Variants in KCNK12 observed in about 807,000 individuals in gnomAD.
The protein encoded by KCNK12 is potassium two pore domain channel subfamily K member 12.
KCNK12 carries 6 observed loss-of-function variants against 25.3 expected under a neutral mutation model. That is an observed-to-expected ratio of 0.24 (90% confidence interval 0.13 to 0.47). KCNK12 has a LOEUF of 0.47. KCNK12 is among the 20% of genes least tolerant of loss of function. The pLI is 0.99. For missense variants in KCNK12, 444 were observed against 661.7 expected (o/e 0.67, Z 3.61); for synonymous variants, 331 against 311.1 (o/e 1.06, Z -0.67).
intron 1 of KCNK12, among the ~76,000 whole-genome samples, chr2:47,534,431 G>GC (rs1431281693): frequency 1.6e-5 from 1 of 63,742 alleles, no homozygotes; most frequent in African/African-American, 1.5e-4. Flanking sequence ...CCCGTCTCCA[G>GC]GCCCCCCCCA....
In KCNK12 at chr2:47,510,568, C is replaced by G. The variant is rs746201435; in HGVS notation, c.*10339G>C. ...CCAGGATCTGCCCTGGGGGCTATCT[C>G]AACACCCCTACACTCTCACCGCACG... On this transcript the variant is annotated 3_prime_UTR_variant, in exon 2 of 2. Transcript: ENST00000327876. Among the ~76,000 whole-genome samples, 1 of 152,100 alleles carries G rather than the reference C, an allele frequency of 6.6e-6. No individual in the cohort carries two copies. The highest frequency in any genetic ancestry group is 1.5e-5 in the Non-Finnish European group (1 of 68,020).
rs1553378757 is a variant in KCNK12 at position 47,534,516 on chromosome 2, C to CCCA, written c.392-12709_392-12708insTGG. Reference sequence around the variant, plus strand: ...GGGATGAGATCACTGCCCCTTCTAACCCCCCCCCCCGCCCCCACACACAGA... The same window carrying CCCA: ...GGGATGAGATCACTGCCCCTTCTAACCCACCCCCCCCCCGCCCCCACACACAGA... On this transcript the variant is annotated intron_variant, in intron 1 of 1. Transcript: ENST00000327876. Among the ~76,000 whole-genome samples the CCCA allele has an allele frequency of 6.9e-3, 137 of 19,902 alleles. 1 individual carries two copies. Among genetic ancestry groups the CCCA allele is most frequent in the Non-Finnish European group, 8.8e-3 (105 of 11,980 alleles). 13.1% of individuals were successfully genotyped at this position (19,902 alleles called of 152,430 possible).
At position 47,519,422 on chromosome 2, in the gene KCNK12, ATACTGGTGGGTCACGCC is replaced by A. The variant is rs1242525848; in HGVS notation, c.*1468_*1484del. The A allele has an allele frequency of 3.3e-5, 5 of 152,202 alleles. No homozygotes were observed. Among genetic ancestry groups the A allele is most frequent in the Non-Finnish European group, 7.3e-5 (5 of 68,044 alleles). 9.4% of individuals were successfully genotyped at this position (152,202 alleles called of 1,614,324 possible). ...TAAGACTTCCTATCAGAAGCTGTGC[ATACTGGTGGGTCACGCC>A]GTGCCTGTATAAACTCTGGCACCTG... On this transcript the variant is annotated 3_prime_UTR_variant, in exon 2 of 2. Transcript: ENST00000327876.
chr2:47,548,812 C>G lies in KCNK12; in HGVS notation c.391+21129G>C, dbSNP rs1669365776. On this transcript the variant is annotated intron_variant, in intron 1 of 1. Coordinates refer to ENST00000327876, the MANE Select transcript of KCNK12 (RefSeq NM_022055.2). This position sits in a 1 kb window ranked among gnomAD's most constrained non-coding sequence, Gnocchi z 4.4. Reference sequence around the variant, plus strand: ...TTTTTGCCTGGTGGCAGCTTTCAGACAGCCATGGGAGTGGAGAGATCCAGA... The same window carrying G: ...TTTTTGCCTGGTGGCAGCTTTCAGAGAGCCATGGGAGTGGAGAGATCCAGA... Among the ~76,000 whole-genome samples, 1 of 152,232 alleles carries G rather than the reference C, an allele frequency of 6.6e-6. No homozygotes were observed. The highest frequency in any genetic ancestry group is 1.5e-5 in the Non-Finnish European group (1 of 68,042).
At chr2:47,523,330 T>C (rs1045681144) in intron 1 of KCNK12, among the ~76,000 whole-genome samples, 1 of 152,144 alleles carries the variant, frequency 6.6e-6, no homozygotes, top group Non-Finnish European at 1.5e-5. Context: ...GGCTCTGCCA[T>C]TGGGTGCCGG....
chr2:47,564,282 G>T (rs1164695247), intron 1 of KCNK12: 4 of 230,100 alleles, frequency 1.7e-5, no homozygotes, highest in Non-Finnish European at 3.4e-5. Context: ...TCGCTCCAAA[G>T]GGGCTGGCCA....
In KCNK12 at chr2:47,560,219, T is replaced by G. The variant is rs1299322816; in HGVS notation, c.391+9722A>C. On this transcript the variant is annotated intron_variant, in intron 1 of 1. Coordinates refer to ENST00000327876, the MANE Select transcript of KCNK12 (RefSeq NM_022055.2). This position sits in a 1 kb window ranked among gnomAD's most constrained non-coding sequence, Gnocchi z 4.7. Reference sequence around the variant, plus strand: ...GTGCAAGGCTGAGGGTTCTCAGGTCTGGGCGGGAGCTCGGTCCTCTTCAAC... The same window carrying G: ...GTGCAAGGCTGAGGGTTCTCAGGTCGGGGCGGGAGCTCGGTCCTCTTCAAC... Among the ~76,000 whole-genome samples the G allele has an allele frequency of 6.6e-6, 1 of 152,222 alleles. No individual in the cohort carries two copies. The highest frequency in any genetic ancestry group is 1.5e-5 in the Non-Finnish European group (1 of 68,040).
Position 47,570,654 on chromosome 2 carries a change from C to A in KCNK12, c.-323G>T, listed in dbSNP as rs1669890965. The stretch of plus-strand genomic sequence containing the variant: ...TCGGGCGCGGGGCTCCGCAGCTAGG[C>A]CCCTGCCGCCCGGTGGCCGGCGTCC... On this transcript the variant is annotated 5_prime_UTR_variant, in exon 1 of 2. Transcript: ENST00000327876. The A allele has an allele frequency of 5.8e-6, 1 of 173,788 alleles. No individual in the cohort carries two copies. Among genetic ancestry groups the A allele is most frequent in the Non-Finnish European group, 1.2e-5 (1 of 82,508 alleles). 10.8% of individuals were successfully genotyped at this position (173,788 alleles called of 1,614,324 possible). A position where few individuals can be genotyped will look rare whatever the true frequency, so the allele number is the denominator to read the frequency against.
rs1482800254 is a variant in KCNK12, at chr2:47,509,449, C to T, written c.*11458G>A. On this transcript the variant is annotated 3_prime_UTR_variant, in exon 2 of 2. Transcript: ENST00000327876. ...CTGTCCCATAGCAGGAAACCACAGTCTCTGATGTCAGCTGGCTGCCAACAC... is the reference window on the plus strand; with the variant it reads ...CTGTCCCATAGCAGGAAACCACAGTTTCTGATGTCAGCTGGCTGCCAACAC... Among the ~76,000 whole-genome samples the T allele has an allele frequency of 2.0e-5, 3 of 152,248 alleles. No homozygotes were observed. The highest frequency in any genetic ancestry group is 2.9e-5 in the Non-Finnish European group (2 of 68,044).
At chr2:47,563,789 C>T (rs1244211100) in intron 1 of KCNK12, 1 of 232,832 alleles carries the variant, frequency 4.3e-6, no homozygotes, top group Non-Finnish European at 8.5e-6. Flanking sequence ...TGTGGTGCTT[C>T]CAGCTAGAAT....
rs1391303379 is a variant in KCNK12 at position 47,515,660 on chromosome 2, A to T, written c.*5247T>A. On this transcript the variant is annotated 3_prime_UTR_variant, in exon 2 of 2. Transcript: ENST00000327876. The stretch of plus-strand genomic sequence containing the variant: ...GGGAGTGGGGAGTGATCGTATAGAC[A>T]GAGGTGGGTGGGGCCAGTGTGAGCC... Among the ~76,000 whole-genome samples the T allele has an allele frequency of 6.6e-6, 1 of 152,174 alleles. No homozygotes were observed. Among genetic ancestry groups the T allele is most frequent in the African/African-American group, 2.4e-5 (1 of 41,430 alleles).
rs1573625579 is a variant in KCNK12 at position 47,525,410 on chromosome 2, C to A, written c.392-3602G>T. On this transcript the variant is annotated intron_variant, in intron 1 of 1. Coordinates refer to ENST00000327876, the MANE Select transcript of KCNK12 (RefSeq NM_022055.2). This position sits in a 1 kb window ranked among gnomAD's most constrained non-coding sequence, Gnocchi z 4.1. ...CTTCCTAGCTGGCTGGGCACAGCCGCTCACAGGCCTACCCAGAGTGGAGCA... is the reference window on the plus strand; with the variant it reads ...CTTCCTAGCTGGCTGGGCACAGCCGATCACAGGCCTACCCAGAGTGGAGCA... Among the ~76,000 whole-genome samples the A allele has an allele frequency of 6.6e-6, 1 of 152,314 alleles. No homozygotes were observed. Among genetic ancestry groups the A allele is most frequent in the East Asian group, 1.9e-4 (1 of 5,184 alleles).
At position 47,566,809 on chromosome 2, in the gene KCNK12, C is replaced by A. The variant is rs1669795480; in HGVS notation, c.391+3132G>T. ...ATATGCATGAAATTGGTGGATATTGCACAACTTGGTTTCTGGACCTAGCTG... is the reference window on the plus strand; with the variant it reads ...ATATGCATGAAATTGGTGGATATTGAACAACTTGGTTTCTGGACCTAGCTG... On this transcript the variant is annotated intron_variant, in intron 1 of 1. Coordinates refer to ENST00000327876, the MANE Select transcript of KCNK12 (RefSeq NM_022055.2). This position sits in a 1 kb window ranked among gnomAD's most constrained non-coding sequence, Gnocchi z 4.1. 2 of 152,190 alleles carry A rather than the reference C, an allele frequency of 1.3e-5. No individual in the cohort carries two copies. Among genetic ancestry groups the A allele is most frequent in the Non-Finnish European group, 2.9e-5 (2 of 68,046 alleles). 9.4% of individuals were successfully genotyped at this position (152,190 alleles called of 1,614,324 possible).
In KCNK12 at chr2:47,548,594, G is replaced by C. The variant is rs1669362081; in HGVS notation, c.391+21347C>G. ...CCACCCTACTGTCAACACTTATCCA[G>C]ATTCTACACACTGACTTTCGCTTCA... On this transcript the variant is annotated intron_variant, in intron 1 of 1. Coordinates refer to ENST00000327876, the MANE Select transcript of KCNK12 (RefSeq NM_022055.2). This position sits in a 1 kb window ranked among gnomAD's most constrained non-coding sequence, Gnocchi z 4.4. 6.6e-6 allele frequency among the ~76,000 whole-genome samples: 1 copy of C among 152,142 alleles called. No individual in the cohort carries two copies. The highest frequency in any genetic ancestry group is 2.4e-5 in the African/African-American group (1 of 41,432).
rs1669427013 is a variant in KCNK12, at chr2:47,551,386, GT to G, written c.391+18554del. 1.3e-5 allele frequency among the ~76,000 whole-genome samples: 2 copies of G among 152,044 alleles called. No individual in the cohort carries two copies. Among genetic ancestry groups the G allele is most frequent in the Non-Finnish European group, 2.9e-5 (2 of 67,964 alleles). On this transcript the variant is annotated intron_variant, in intron 1 of 1. Coordinates refer to ENST00000327876, the MANE Select transcript of KCNK12 (RefSeq NM_022055.2). This position sits in a 1 kb window ranked among gnomAD's most constrained non-coding sequence, Gnocchi z 5.3. ...CTTCCATCACTTTATTCTTACCCTG[GT>G]TTTGTTCTTTTTGCAGCATTTACCA...
chr2:47,559,310 G>C (rs1234430343), intron 1 of KCNK12, among the ~76,000 whole-genome samples: 2 of 152,216 alleles, frequency 1.3e-5, no homozygotes, highest in Admixed American at 1.3e-4. Flanking sequence ...CTCATGCACA[G>C]CCAGCCCCTC....
chr2:47,569,053 C>T lies in KCNK12; in HGVS notation c.391+888G>A, dbSNP rs1266386446. ...AGCAGGGGTGGCTCCAGAATTTCTC[C>T]ACAGGAGCTCAGAGGCAGCAATCTG... On this transcript the variant is annotated intron_variant, in intron 1 of 1. Transcript: ENST00000327876. The surrounding 1 kb of genome is among the most constrained non-coding windows in gnomAD (Gnocchi z 4.1). Among the ~76,000 whole-genome samples the T allele has an allele frequency of 6.6e-6, 1 of 151,704 alleles. No homozygotes were observed. Among genetic ancestry groups the T allele is most frequent in the Admixed American group, 6.6e-5 (1 of 15,234 alleles).
Position 47,510,488 on chromosome 2 carries a change from G to A in KCNK12, c.*10419C>T, listed in dbSNP as rs1288253258. ...GGAGTTATCTAAAAGAACAGAGATA[G>A]TGTCCCTAGAAGAAGGGGACAGGAA... is the stretch of plus-strand genomic sequence containing the variant. On this transcript the variant is annotated 3_prime_UTR_variant, in exon 2 of 2. Coordinates refer to ENST00000327876, the MANE Select transcript of KCNK12 (RefSeq NM_022055.2). Among the ~76,000 whole-genome samples, 1 of 152,170 alleles carries A rather than the reference G, an allele frequency of 6.6e-6. No homozygotes were observed. The highest frequency in any genetic ancestry group is 1.5e-5 in the Non-Finnish European group (1 of 68,036).
At position 47,518,395 on chromosome 2, in the gene KCNK12, A is replaced by G. The variant is rs1312703331; in HGVS notation, c.*2512T>C. 3 of 152,352 alleles carry G rather than the reference A, an allele frequency of 2.0e-5. No homozygotes were observed. The highest frequency in any genetic ancestry group is 6.5e-5 in the Admixed American group (1 of 15,298). The allele number at this position is 152,352 out of a possible 1,614,324, so 9.4% of individuals were successfully genotyped here. ...CCTGCCCCTTGAAACCATGCTTACC[A>G]TTCCTTTAGAAGATTGCTCAAGCTG... On this transcript the variant is annotated 3_prime_UTR_variant, in exon 2 of 2. Transcript: ENST00000327876. This position sits in a 1 kb window ranked among gnomAD's most constrained non-coding sequence, Gnocchi z 4.1.
Sources: gnomAD v4.1 joint callset for allele counts (sites outside exome capture counted in the v4.1 genomes callset) on GRCh38, gnomAD v4.1.1 for gene constraint, Gnocchi (gnomAD v3.1) non-coding constraint, MANE v1.5 for transcripts, NCBI Gene and HGNC (gene_info 2026-07-23, HGNC 2026-07-21) for gene names.